The following TRAPPC8 variants were observed in gnomAD, a reference collection of about 807,000 sequenced individuals.
TRAPPC8 encodes general sporulation gene 1 homolog.
A neutral mutation model predicts 174.3 loss-of-function variants in TRAPPC8; 54 were observed. That is an observed-to-expected ratio of 0.31 (90% confidence interval 0.25 to 0.39). TRAPPC8 has a LOEUF of 0.39. Among genes scored for constraint, TRAPPC8 ranks in the 10% least tolerant of loss-of-function variants. The probability of loss-of-function intolerance (pLI) is 1.00; values close to 1 mark genes in which losing one functional copy is unlikely to be tolerated. For synonymous variants in TRAPPC8, 630 were observed against 579.9 expected (o/e 1.09, Z -1.24); for missense variants, 1,531 against 1,699.1 (o/e 0.90, Z 1.74).
chr18:31,919,270 C>T (rs1391466007), intron 2 of TRAPPC8, among the ~76,000 whole-genome samples: 3 of 152,044 alleles, frequency 2.0e-5, no homozygotes, highest in Non-Finnish European at 2.9e-5. Context: ...CGGTGGCTCA[C>T]GCCTGTAGTC....
chr18:31,867,480 A>ACTTCTTC lies in TRAPPC8; in HGVS notation c.2389-5_2389-4insGAAGAAG. 1 of 1,586,882 alleles carries ACTTCTTC rather than the reference A, an allele frequency of 6.3e-7. No homozygotes were observed. On this transcript the variant is annotated splice_region_variant and splice_polypyrimidine_tract_variant and intron_variant, in intron 16 of 28. Coordinates refer to ENST00000283351, the MANE Select transcript of TRAPPC8 (RefSeq NM_014939.5). Reference sequence around the variant, plus strand: ...TCATTTCAGGTTCACTTGTAACCTAAAAAATAAATTTCATAAATTATACAT... The same window carrying ACTTCTTC: ...TCATTTCAGGTTCACTTGTAACCTAACTTCTTCAAAATAAATTTCATAAATTATACAT...
chr18:31,883,278 CAGT>C (rs1462546210), intron 12 of TRAPPC8: 2 of 149,784 alleles, frequency 1.3e-5, no homozygotes, highest in African/African-American at 2.5e-5. Context: ...GTGCCAGCAG[CAGT>C]ATGTCTGACA....
At chr18:31,908,682 T>C in intron 7 of TRAPPC8, 72 bp downstream of exon 7, 1 of 1,388,190 alleles carries the variant, frequency 7.2e-7, no homozygotes. Flanking sequence ...AAACTTCAAA[T>C]ACGTTTAATA....
chr18:31,940,905 G>A (rs1026704549), intron 1 of TRAPPC8, among the ~76,000 whole-genome samples: 1 of 152,190 alleles, frequency 6.6e-6, no homozygotes, highest in Non-Finnish European at 1.5e-5. Context: ...AGATGATTAA[G>A]AACACAATGT....
chr18:31,926,339 A>C (rs1269786189), intron 2 of TRAPPC8: 2 of 152,214 alleles, frequency 1.3e-5, no homozygotes, highest in African/African-American at 4.8e-5. Context: ...ATGCAGTAAC[A>C]ATAGAGATTT....
Position 31,897,907 on chromosome 18 carries a change from C to G in TRAPPC8, c.1491-16G>C. ...CACCATATTCCTATAGAAAAAAGGA[C>G]AAGAAGATAAAATAGCACAATAATA... On this transcript the variant is annotated splice_polypyrimidine_tract_variant and intron_variant, in intron 10 of 28. Coordinates refer to ENST00000283351, the MANE Select transcript of TRAPPC8 (RefSeq NM_014939.5). 1 of 1,601,000 alleles carries G rather than the reference C, an allele frequency of 6.2e-7. No individual in the cohort carries two copies.
At chr18:31,928,929 C>T (rs2037738357) in intron 2 of TRAPPC8, among the ~76,000 whole-genome samples, 1 of 152,036 alleles carries the variant, frequency 6.6e-6, no homozygotes, top group African/African-American at 2.4e-5. Context: ...GCCTGTAATC[C>T]CAGCACTTTG....
At chr18:31,909,186 CTTGAG>C (rs2036801688) in intron 6 of TRAPPC8, among the ~76,000 whole-genome samples, 176 bp from the exon 7 acceptor site, 1 of 151,788 alleles carries the variant, frequency 6.6e-6, no homozygotes, top group Non-Finnish European at 1.5e-5. Context: ...AATTAATGAG[CTTGAG>C]TTAATATTTG....
At chr18:31,835,929 T>C (rs2032688869) in intron 27 of TRAPPC8, among the ~76,000 whole-genome samples, 1 of 152,206 alleles carries the variant, frequency 6.6e-6, no homozygotes, top group Non-Finnish European at 1.5e-5. Flanking sequence ...GCCCAAAATA[T>C]ATGTGGCACA....
At chr18:31,840,775 C>T (rs2144971927) in intron 26 of TRAPPC8, among the ~76,000 whole-genome samples, 2 of 149,118 alleles carry the variant, frequency 1.3e-5, no homozygotes, top group South Asian at 4.2e-4. Flanking sequence ...TTGCTGACCC[C>T]TTATCTACAC....
chr18:31,855,619 A>G, intron 21 of TRAPPC8, 41 bp downstream of exon 21: 1 of 1,559,458 alleles, frequency 6.4e-7, no homozygotes, highest in Non-Finnish European at 8.7e-7. Flanking sequence ...GAAACACTTC[A>G]AATATAATTA....
intron 22 of TRAPPC8, 141 bp downstream of exon 22, chr18:31,853,708 T>C: frequency 1.7e-6 from 1 of 592,350 alleles, no homozygotes; most frequent in South Asian, 2.5e-5. Context: ...TAATTTGACT[T>C]ACAGTTAGGT....
chr18:31,933,229 G>A (rs1488740089), intron 1 of TRAPPC8, among the ~76,000 whole-genome samples: 16 of 150,944 alleles, frequency 1.1e-4, no homozygotes, highest in African/African-American at 3.2e-4. Context: ...TGAACCCGGC[G>A]GGCGGAGCTG....
Position 31,852,634 on chromosome 18 carries a change from T to C in TRAPPC8, c.3463A>G (p.Lys1155Glu). Residue 1155 changes from lysine to glutamate, a missense_variant, in exon 23 of 29, where the codon AAG (lysine) becomes GAG (glutamate). Lys to Glu is a moderately conservative substitution (Grantham distance 56). Coordinates refer to ENST00000283351, the MANE Select transcript of TRAPPC8 (RefSeq NM_014939.5). ...DTKLASREKG[K>E]FCFKAIRCEK... ...CATCTTATTGCCTTAAAGCAAAACT[T>C]TCCCTTCTCCCTACTGGCAAGTTTG... 3.1e-6 allele frequency: 5 copies of C among 1,614,000 alleles called. No homozygotes were observed. Among genetic ancestry groups the C allele is most frequent in the East Asian group, 2.2e-5 (1 of 44,848 alleles).
At position 31,919,190 on chromosome 18, in the gene TRAPPC8, G is replaced by A. The variant is rs187908858; in HGVS notation, c.353-1523C>T. Among the ~76,000 whole-genome samples, 414 of 152,168 alleles carry A rather than the reference G, an allele frequency of 2.7e-3. 10 individuals are homozygous for A. The highest frequency in any genetic ancestry group is 9.7e-3 in the Admixed American group (148 of 15,270). On this transcript the variant is annotated intron_variant, in intron 2 of 28. Transcript: ENST00000283351. ...CTACTATCACGATTTCATGTTCATC[G>A]TTATAAAAGAGGAAATGGGCAGGGC...
rs547308059 is a variant in TRAPPC8 at position 31,834,234 on chromosome 18, G to A, written c.3984-2061C>T. ...AAGCTATTCTGCCTCAGCCTCCCCA[G>A]TAGCTGGGATTACAAGCGCTCGCCA... On this transcript the variant is annotated intron_variant, in intron 27 of 28. Transcript: ENST00000283351. 4.6e-4 allele frequency among the ~76,000 whole-genome samples: 70 copies of A among 152,010 alleles called. No homozygotes were observed. In the South Asian group the frequency reaches 0.014, roughly 30 times the overall value.
chr18:31,864,572 G>A lies in TRAPPC8; in HGVS notation c.2745+55C>T. 1.3e-6 allele frequency: 2 copies of A among 1,542,876 alleles called. 1 individual carries two copies. The highest frequency in any genetic ancestry group is 1.8e-6 in the Non-Finnish European group (2 of 1,135,110). On this transcript the variant is annotated intron_variant, in intron 19 of 28. Transcript: ENST00000283351. Reference sequence around the variant, plus strand: ...TCAGAGCCTAAAATTAATTTACTCAGAATATTTGCTCATATAGATAAATTA... The same window carrying A: ...TCAGAGCCTAAAATTAATTTACTCAAAATATTTGCTCATATAGATAAATTA...
At position 31,846,718 on chromosome 18, in the gene TRAPPC8, G is replaced by C; in HGVS notation, c.3835C>G (p.Gln1279Glu). 6.2e-7 allele frequency: 1 copy of C among 1,605,936 alleles called. No individual in the cohort carries two copies. The highest frequency in any genetic ancestry group is 8.5e-7 in the Non-Finnish European group (1 of 1,174,676). ...GKEAFSYPQK[Q>E]EPPEMELLKF... ...TCCAAAGCAAACTATGTTATCACCT[G>C]TTTCTGAGGATATGAAAAGGCTTCT... Residue 1279 changes from glutamine (Q) to glutamate (E), a missense_variant and splice_region_variant, in exon 26 of 29, where the codon CAG becomes GAG. Coordinates refer to ENST00000283351, the MANE Select transcript of TRAPPC8 (RefSeq NM_014939.5).
At chr18:31,867,277 A>C (rs138505405) in intron 17 of TRAPPC8, 125 bp downstream of exon 17, 2 of 784,718 alleles carry the variant, frequency 2.5e-6, no homozygotes, top group African/African-American at 3.5e-5. Context: ...CCTATGTCCT[A>C]ATCTTCCAAA....
Sources: gnomAD v4.1 joint callset for allele counts (sites outside exome capture counted in the v4.1 genomes callset) on GRCh38, gnomAD v4.1.1 for gene constraint, MANE v1.5 for transcripts, NCBI Gene and HGNC (gene_info 2026-07-23, HGNC 2026-07-21) for gene names.